The following CSMD1 variants were observed in gnomAD, a reference collection of about 807,000 sequenced individuals.
CSMD1 encodes CUB and Sushi multiple domains 1.
A neutral mutation model predicts 417.5 loss-of-function variants in CSMD1; 213 were observed. The observed-to-expected ratio is 0.51, with a 90% confidence interval of 0.46 to 0.57. CSMD1 has a LOEUF of 0.57. Among genes scored for constraint, CSMD1 ranks in the 20% least tolerant of loss-of-function variants. The pLI is 0.00. For synonymous variants in CSMD1, 2,862 were observed against 1,736.8 expected (o/e 1.65, Z -16.11); for missense variants, 6,923 against 4,529.7 (o/e 1.53, Z -15.17).
chr8:4,642,252 C>T (rs912596439), intron 1 of CSMD1, among the ~76,000 whole-genome samples: 1 of 152,162 alleles, frequency 6.6e-6, no homozygotes, highest in African/African-American at 2.4e-5. Context: ...AAAACACATT[C>T]CAGTAAAGGC....
chr8:3,205,068 G>A (rs1029482250), intron 31 of CSMD1, among the ~76,000 whole-genome samples: 1 of 152,206 alleles, frequency 6.6e-6, no homozygotes, highest in Admixed American at 6.5e-5. Context: ...AGCACTTACA[G>A]GTTGACTCAA....
chr8:3,003,285 T>C (rs981114982), intron 52 of CSMD1, among the ~76,000 whole-genome samples: 1 of 152,216 alleles, frequency 6.6e-6, no homozygotes, highest in Non-Finnish European at 1.5e-5. Flanking sequence ...AAGATTCTAT[T>C]AGTCTATGAT....
intron 2 of CSMD1, among the ~76,000 whole-genome samples, chr8:4,622,259 G>C (rs1157999740): frequency 3.9e-5 from 6 of 152,008 alleles, no homozygotes; most frequent in Non-Finnish European, 8.8e-5. Flanking sequence ...AAAGGCAAAA[G>C]AGGATACTTG....
At chr8:3,562,257 A>T (rs1799499082) in intron 10 of CSMD1, among the ~76,000 whole-genome samples, 1 of 152,188 alleles carries the variant, frequency 6.6e-6, no homozygotes, top group African/African-American at 2.4e-5. Flanking sequence ...CTCTAGTGGC[A>T]TGGAGGCCAC....
At chr8:3,706,449 T>A (rs1194953701) in intron 7 of CSMD1, among the ~76,000 whole-genome samples, 1 of 152,222 alleles carries the variant, frequency 6.6e-6, no homozygotes, top group Non-Finnish European at 1.5e-5. Context: ...AGGCTCAAGG[T>A]TTCCATTCCT....
At chr8:3,914,457 T>C (rs1306649539) in intron 5 of CSMD1, among the ~76,000 whole-genome samples, 2 of 152,176 alleles carry the variant, frequency 1.3e-5, no homozygotes, top group African/African-American at 4.8e-5. Context: ...TAACGCTAAT[T>C]ATTATTATAT....
chr8:4,565,672 T>G (rs1192632082), intron 2 of CSMD1, among the ~76,000 whole-genome samples: 1 of 149,872 alleles, frequency 6.7e-6, no homozygotes, highest in Non-Finnish European at 1.5e-5. Context: ...GAGGCAGAGG[T>G]TGCAGTGAGC....
intron 52 of CSMD1, 38 bp from the exon 53 acceptor site, chr8:3,000,169 T>A: frequency 6.8e-7 from 1 of 1,463,980 alleles, no homozygotes. Context: ...TTAGAGTGTC[T>A]GTCATTTATA....
Position 3,307,808 on chromosome 8 carries a change from A to G in CSMD1, c.3837T>C (p.Gly1279=). Residue 1279 remains glycine (G), a synonymous_variant, in exon 25 of 70, where the codon GGT becomes GGC. Coordinates refer to ENST00000635120, the MANE Select transcript of CSMD1 (RefSeq NM_033225.6). ...GTCCTGATGTGGCTGCATGGATCTG[A>G]CCACCACATTCCGCTGTAGAAGACA... is the stretch of plus-strand genomic sequence containing the variant. ...PLPSCIAECG[G]QIHAATSGRI... 1.2e-6 allele frequency: 2 copies of G among 1,613,052 alleles called. No homozygotes were observed. The highest frequency in any genetic ancestry group is 1.7e-6 in the Non-Finnish European group (2 of 1,179,456).
chr8:3,069,306 G>C (rs935828050), intron 49 of CSMD1, among the ~76,000 whole-genome samples: 1 of 151,862 alleles, frequency 6.6e-6, no homozygotes, highest in Non-Finnish European at 1.5e-5. Context: ...GTGGTGGCAG[G>C]CATCTGTAAT....
chr8:3,437,553 G>T (rs139848392), intron 12 of CSMD1, among the ~76,000 whole-genome samples: 4 of 152,050 alleles, frequency 2.6e-5, no homozygotes, highest in African/African-American at 9.7e-5. Context: ...ACGTATCCAG[G>T]GAAAAACTGG....
chr8:4,232,980 G>T (rs888165242), intron 3 of CSMD1, among the ~76,000 whole-genome samples: 1 of 152,136 alleles, frequency 6.6e-6, no homozygotes, highest in African/African-American at 2.4e-5. Context: ...AGAAAAGGAG[G>T]AAACAGGAAG....
intron 41 of CSMD1, among the ~76,000 whole-genome samples, chr8:3,124,828 C>T (rs1817406940): frequency 6.6e-6 from 1 of 152,154 alleles, no homozygotes; most frequent in African/African-American, 2.4e-5. Flanking sequence ...ATAATGATGA[C>T]AATGATGATT....
intron 1 of CSMD1, among the ~76,000 whole-genome samples, chr8:4,878,640 T>G (rs1803200264): frequency 6.6e-6 from 1 of 151,896 alleles, no homozygotes; most frequent in South Asian, 2.1e-4. Context: ...CTCTCAAAAT[T>G]TCAAAGGAAA....
At chr8:4,136,552 G>A (rs4436144) in intron 3 of CSMD1, among the ~76,000 whole-genome samples, 2 of 151,948 alleles carry the variant, frequency 1.3e-5, no homozygotes, top group Non-Finnish European at 2.9e-5. Context: ...AGCAAAAGAT[G>A]CAAAATGCCT....
intron 5 of CSMD1, among the ~76,000 whole-genome samples, chr8:3,966,509 A>G (rs951452746): frequency 4.6e-5 from 7 of 152,160 alleles, no homozygotes; most frequent in Non-Finnish European, 1.0e-4. Flanking sequence ...CAGGAGAATC[A>G]GTTCCTGGGA....
intron 3 of CSMD1, among the ~76,000 whole-genome samples, chr8:4,405,453 G>A (rs561607464): frequency 2.6e-5 from 4 of 152,034 alleles, no homozygotes; most frequent in Admixed American, 1.3e-4. Flanking sequence ...AGATTTTAAC[G>A]CCCATCTATA....
chr8:4,118,699 C>G (rs1408348542), intron 3 of CSMD1, among the ~76,000 whole-genome samples: 1 of 152,128 alleles, frequency 6.6e-6, no homozygotes, highest in Non-Finnish European at 1.5e-5. Context: ...GCTCAAGGAT[C>G]TAGAACTAGA....
At chr8:3,664,588 C>T (rs1798588628) in intron 7 of CSMD1, among the ~76,000 whole-genome samples, 1 of 152,198 alleles carries the variant, frequency 6.6e-6, no homozygotes, top group Non-Finnish European at 1.5e-5. Context: ...GAGGAGTTTT[C>T]CTCTGCCTTG....
Sources: allele counts gnomAD v4.1 joint callset (sites outside exome capture counted in the v4.1 genomes callset), GRCh38; gene constraint gnomAD v4.1.1; transcripts MANE v1.5; gene names NCBI Gene and HGNC (gene_info 2026-07-23, HGNC 2026-07-21).